ZFYVE26: variants seen among roughly 807,000 people sequenced by gnomAD.
ZFYVE26 encodes zinc finger FYVE domain-containing protein 26.
A neutral mutation model predicts 276.5 loss-of-function variants in ZFYVE26; 181 were observed. The observed-to-expected ratio is 0.65, with a 90% CI of 0.58 to 0.74. The LOEUF is 0.74. ZFYVE26 is among the 30% of genes least tolerant of loss of function. ZFYVE26 has a pLI of 0.00. For synonymous variants in ZFYVE26, 1,129 were observed against 1,203.1 expected, an observed-to-expected ratio of 0.94 and a Z score of 1.27; for missense variants, 2,821 against 3,097.9, an observed-to-expected ratio of 0.91 and a Z score of 2.12.
At position 67,777,651 on chromosome 14, in the gene ZFYVE26, G is replaced by A; in HGVS notation, c.4882C>T (p.His1628Tyr). Residue 1628 changes from histidine (H) to tyrosine (Y), a missense_variant, in exon 25 of 42, where the codon CAC (histidine) becomes TAC (tyrosine). Transcript: ENST00000347230. Reference protein sequence around the residue: ...LDQHTSLATSHFLANYLTTHF... With the variant: ...LDQHTSLATSYFLANYLTTHF... The stretch of plus-strand genomic sequence containing the variant: ...GTGGTGAGGTAGTTGGCCAAGAAGT[G>A]AGAAGTGGCCAAGCTAGTGTGCTGG... 6.2e-7 allele frequency: 1 copy of A among 1,614,154 alleles called. No homozygotes were observed.
chr14:67,755,894 T>G, intron 36 of ZFYVE26, 54 bp downstream of exon 36: 1 of 1,603,076 alleles, frequency 6.2e-7, no homozygotes, highest in Non-Finnish European at 8.5e-7. Flanking sequence ...CTGCCTCTCC[T>G]GCAGGGTGGG....
Position 67,804,136 on chromosome 14 carries a change from T to C in ZFYVE26, c.1400A>G (p.Gln467Arg), listed in dbSNP as rs746227585. ...CTGGGGGTCCTTGGCTGGCACTTTCTGTAAGAGCTTGAGAACATCTTCCTC... is the reference window on the plus strand; with the variant it reads ...CTGGGGGTCCTTGGCTGGCACTTTCCGTAAGAGCTTGAGAACATCTTCCTC... ...LREEDVLKLL[Q>R]KVPAKDPQQE... Residue 467 changes from glutamine to arginine, a missense_variant, in exon 9 of 42, where the codon CAG becomes CGG. Transcript: ENST00000347230. 6.2e-7 allele frequency: 1 copy of C among 1,614,212 alleles called. No homozygotes were observed. The highest frequency in any genetic ancestry group is 8.5e-7 in the Non-Finnish European group (1 of 1,180,036).
At chr14:67,770,339 C>G (rs1480148616) in intron 28 of ZFYVE26, 1 of 163,466 alleles carries the variant, frequency 6.1e-6, no homozygotes, top group Non-Finnish European at 1.3e-5. Context: ...TGGCGGGAGC[C>G]TGTACTCCCA....
chr14:67,740,579 T>C (rs1353652878), intron 13 of ZFYVE26, among the ~76,000 whole-genome samples: 1 of 152,222 alleles, frequency 6.6e-6, no homozygotes, highest in Non-Finnish European at 1.5e-5. Context: ...ATGGATATCA[T>C]ACTTCATGCA....
At chr14:67,763,668 T>C (rs1594893535) in intron 32 of ZFYVE26, among the ~76,000 whole-genome samples, 1 of 152,216 alleles carries the variant, frequency 6.6e-6, no homozygotes, top group Non-Finnish European at 1.5e-5. Context: ...AACATATTAC[T>C]GTCGTTAAGC....
intron 10 of ZFYVE26, 106 bp downstream of exon 10, chr14:67,801,973 G>T: frequency 7.8e-7 from 1 of 1,275,768 alleles, no homozygotes. Context: ...ATAAAACCAA[G>T]GCCATCACCC....
chr14:67,799,212 A>G, intron 10 of ZFYVE26: 2 of 1,612,026 alleles, frequency 1.2e-6, no homozygotes, highest in Non-Finnish European at 1.7e-6. Context: ...GAGCTGGCTG[A>G]TATTAAACAG....
chr14:67,737,638 C>T (rs2038367659), intron 13 of ZFYVE26, among the ~76,000 whole-genome samples: 1 of 152,148 alleles, frequency 6.6e-6, no homozygotes. Flanking sequence ...GGTGGTGCAA[C>T]ACAGCATCTG....
rs140128583 is a variant in ZFYVE26 at position 67,807,660 on chromosome 14, A to G, written c.624T>C (p.Asp208=). ...RKALRALQGP[D]SVPPGVVDAI... ...CATCGACTACCCCAGGGGGCACCGAATCAGGGCCCTGCAAAGCCCGCAATG... is the reference window on the plus strand; with the variant it reads ...CATCGACTACCCCAGGGGGCACCGAGTCAGGGCCCTGCAAAGCCCGCAATG... The change falls in exon 5 of 42, where the codon GAT becomes GAC. Residue 208 remains aspartate, a synonymous_variant. Coordinates refer to ENST00000347230, the MANE Select transcript of ZFYVE26 (RefSeq NM_015346.4). The G allele has an allele frequency of 4.5e-4, 727 of 1,614,168 alleles. 1 individual carries two copies. The highest frequency in any genetic ancestry group is 4.5e-4 in the Non-Finnish European group (533 of 1,180,028).
chr14:67,761,628 T>A, intron 34 of ZFYVE26, 44 bp from the exon 35 acceptor site: 2 of 1,557,932 alleles, frequency 1.3e-6, no homozygotes, highest in Admixed American at 3.5e-5. Context: ...ACTCAAAAAG[T>A]TCTCAGCAGG....
intron 37 of ZFYVE26, 142 bp from the exon 38 acceptor site, chr14:67,754,354 G>A (rs563148346): frequency 3.5e-6 from 4 of 1,150,046 alleles, no homozygotes; most frequent in South Asian, 1.3e-5. Flanking sequence ...AGTACCTTGT[G>A]AGCAGTTATG....
chr14:67,757,234 C>T lies in ZFYVE26; in HGVS notation c.6589-1089G>A, dbSNP rs149717812. Reference sequence around the variant, plus strand: ...TCAGTCTAACGCCCACAAATGAGCCCAAGTGACTGTTGAAACTGAAGCCAG... The same window carrying T: ...TCAGTCTAACGCCCACAAATGAGCCTAAGTGACTGTTGAAACTGAAGCCAG... On this transcript the variant is annotated intron_variant, in intron 35 of 41. Transcript: ENST00000347230. Among the ~76,000 whole-genome samples the T allele has an allele frequency of 3.4e-3, 513 of 152,330 alleles. 4 individuals are homozygous for T. The highest frequency in any genetic ancestry group is 0.012 in the African/African-American group (498 of 41,574).
chr14:67,740,690 C>G (rs185322064), intron 13 of ZFYVE26, among the ~76,000 whole-genome samples: 1 of 152,058 alleles, frequency 6.6e-6, no homozygotes, highest in Non-Finnish European at 1.5e-5. Flanking sequence ...GGGTGGATCA[C>G]GAGATCAGGA....
In ZFYVE26 at chr14:67,785,847, C is replaced by G; in HGVS notation, c.3304+11G>C. The G allele has an allele frequency of 2.5e-6, 4 of 1,614,044 alleles. No individual in the cohort carries two copies. The highest frequency in any genetic ancestry group is 2.5e-6 in the Non-Finnish European group (3 of 1,180,026). Reference sequence around the variant, plus strand: ...CAGCTTTTATTTGTTCCCAAGCAGACAGCCTTATACCTGGCAGCTCTAGTG... The same window carrying G: ...CAGCTTTTATTTGTTCCCAAGCAGAGAGCCTTATACCTGGCAGCTCTAGTG... On this transcript the variant is annotated intron_variant, in intron 18 of 41. Transcript: ENST00000347230.
intron 35 of ZFYVE26, among the ~76,000 whole-genome samples, chr14:67,757,684 C>CTTTCTT (rs1566865449): frequency 2.0e-5 from 2 of 100,736 alleles, no homozygotes; most frequent in South Asian, 4.0e-4. Flanking sequence ...CTTTCTTTCT[C>CTTTCTT]TCTCTCTTTC....
intron 2 of ZFYVE26, among the ~76,000 whole-genome samples, chr14:67,814,745 T>C (rs1241213410): frequency 6.6e-6 from 1 of 152,238 alleles, no homozygotes; most frequent in Non-Finnish European, 1.5e-5. Flanking sequence ...TATTTTTAAC[T>C]ATATGCTAAA....
chr14:67,773,530 T>C (rs796823735), intron 27 of ZFYVE26, among the ~76,000 whole-genome samples: 6 of 35,566 alleles, frequency 1.7e-4, no homozygotes, highest in African/African-American at 3.6e-4. Context: ...TGAGATCCTG[T>C]CTCCAAAAAA....
At chr14:67,768,231 G>A (rs2039110702) in intron 30 of ZFYVE26, among the ~76,000 whole-genome samples, 1 of 152,140 alleles carries the variant, frequency 6.6e-6, no homozygotes, top group Non-Finnish European at 1.5e-5. Context: ...GATGGTAAAG[G>A]GAAACTTAAG....
In ZFYVE26 at chr14:67,816,241, A is replaced by G. The variant is rs569679395; in HGVS notation, c.-83-195T>C. Among the ~76,000 whole-genome samples the G allele has an allele frequency of 3.3e-5, 5 of 152,264 alleles. No individual in the cohort carries two copies. The East Asian group carries it at 7.7e-4, about 23-fold the overall frequency. ...CTCTTCACGCGGATTCCTATATTTAATAATATTAATAGTCATATTTGCTCC... is the reference window on the plus strand; with the variant it reads ...CTCTTCACGCGGATTCCTATATTTAGTAATATTAATAGTCATATTTGCTCC... On this transcript the variant is annotated intron_variant, in intron 1 of 41. Transcript: ENST00000347230.
Sources: allele counts gnomAD v4.1 joint callset (sites outside exome capture counted in the v4.1 genomes callset), GRCh38; gene constraint gnomAD v4.1.1; transcripts MANE v1.5; gene names NCBI Gene and HGNC (gene_info 2026-07-23, HGNC 2026-07-21).